Variants in SECISBP2L observed in about 807,000 individuals in gnomAD.
The protein encoded by SECISBP2L is SECIS binding protein 2 like.
In SECISBP2L, 43 loss-of-function variants were observed where a neutral mutation model predicts 114.7. The observed-to-expected ratio is 0.38, with a 90% confidence interval of 0.29 to 0.48. The LOEUF (loss-of-function observed/expected upper bound fraction) is 0.48, where lower values mean the gene tolerates loss of function less well. Among genes scored for constraint, SECISBP2L ranks in the 20% least tolerant of loss-of-function variants. The pLI, the probability that SECISBP2L is intolerant of heterozygous loss-of-function variation, is 0.98. For missense variants in SECISBP2L, 1,136 were observed against 1,301.1 expected, an observed-to-expected ratio of 0.87 and a Z score of 1.95; for synonymous variants, 451 against 439.7, an observed-to-expected ratio of 1.03 and a Z score of -0.32.
chr15:49,024,496 C>CAAAA (rs72031518), intron 7 of SECISBP2L, among the ~76,000 whole-genome samples: 1 of 82,726 alleles, frequency 1.2e-5, no homozygotes, highest in African/African-American at 3.8e-5. Flanking sequence ...GACTCTGTCT[C>CAAAA]AAAAAAAAAA....
intron 17 of SECISBP2L, among the ~76,000 whole-genome samples, chr15:48,995,503 C>A (rs550771610): frequency 6.6e-6 from 1 of 151,578 alleles, no homozygotes; most frequent in Non-Finnish European, 1.5e-5. Context: ...TTTTTTTACA[C>A]GTTAAATTTT....
intron 1 of SECISBP2L, among the ~76,000 whole-genome samples, chr15:49,038,354 G>A (rs949949314): frequency 6.6e-5 from 10 of 150,718 alleles, no homozygotes; most frequent in African/African-American, 2.2e-4. Flanking sequence ...GTAAACTAAA[G>A]TAATCCAAGA....
At chr15:49,009,569 A>C (rs1425733894) in intron 13 of SECISBP2L, among the ~76,000 whole-genome samples, 191 bp from the exon 14 acceptor site, 1 of 152,058 alleles carries the variant, frequency 6.6e-6, no homozygotes, top group African/African-American at 2.4e-5. Flanking sequence ...AAATTCTCCT[A>C]TTGTCTGTTG....
chr15:48,999,974 C>G lies in SECISBP2L; in HGVS notation c.2262G>C (p.Glu754Asp). 2 of 1,613,634 alleles carry G rather than the reference C, an allele frequency of 1.2e-6. No homozygotes were observed. Among genetic ancestry groups the G allele is most frequent in the Non-Finnish European group, 1.7e-6 (2 of 1,179,766 alleles). Reference protein sequence around the residue: ...EKIQSKGGLDEALYNVIAMAR... With the variant: ...EKIQSKGGLDDALYNVIAMAR... ...CCATGGCTATAACATTATAGAGAGC[C>G]TCATCCAGACCACCTGAGAAAATCA... The change falls in exon 16 of 18, where the codon GAG becomes GAC. Residue 754 changes from glutamate (E) to aspartate (D), a missense_variant. This residue lies in a region of SECISBP2L where 684 missense variants were observed against 848.7 expected (regional missense o/e 0.81). Coordinates refer to ENST00000559471, the MANE Select transcript of SECISBP2L (RefSeq NM_001193489.2).
intron 3 of SECISBP2L, 133 bp from the exon 4 acceptor site, chr15:49,033,233 T>C: frequency 2.8e-6 from 3 of 1,082,234 alleles, no homozygotes; most frequent in Non-Finnish European, 3.9e-6. Context: ...TTGGCTTCCA[T>C]GGGGAAATAG....
chr15:49,009,123 C>T (rs754993098), intron 14 of SECISBP2L, 93 bp downstream of exon 14: 1 of 1,351,224 alleles, frequency 7.4e-7, no homozygotes, highest in Non-Finnish European at 1.0e-6. Flanking sequence ...CTTTTGTCTG[C>T]TTGACTCACT....
intron 11 of SECISBP2L, 181 bp downstream of exon 11, chr15:49,016,379 T>C (rs889774922): frequency 9.9e-6 from 5 of 503,482 alleles, no homozygotes; most frequent in Non-Finnish European, 1.3e-5. Flanking sequence ...GCATGGACAA[T>C]TTCAAGGCTT....
At chr15:48,998,193 A>G (rs1902133400) in intron 16 of SECISBP2L, among the ~76,000 whole-genome samples, 1 of 152,216 alleles carries the variant, frequency 6.6e-6, no homozygotes, top group Non-Finnish European at 1.5e-5. Context: ...GTAGAATAAT[A>G]AGTCTCTGAA....
At chr15:48,994,830 GT>G (rs1902053790) in intron 17 of SECISBP2L, among the ~76,000 whole-genome samples, 2 of 100,404 alleles carry the variant, frequency 2.0e-5, no homozygotes, top group Non-Finnish European at 4.0e-5. Context: ...CTGGTATATA[GT>G]AAGTGCTGGG....
Position 49,014,953 on chromosome 15 carries a change from A to C in SECISBP2L, c.1561+1607T>G, listed in dbSNP as rs974001651. 8.6e-5 allele frequency among the ~76,000 whole-genome samples: 13 copies of C among 151,788 alleles called. 1 individual carries two copies. Among genetic ancestry groups the C allele is most frequent in the African/African-American group, 3.1e-4 (13 of 41,472 alleles). ...TATTAACAGTTGCTAAATTAATTGAAGTTGTAACAATAAGCCATCTGAAGT... is the reference window on the plus strand; with the variant it reads ...TATTAACAGTTGCTAAATTAATTGACGTTGTAACAATAAGCCATCTGAAGT... On this transcript the variant is annotated intron_variant, in intron 11 of 17. Transcript: ENST00000559471.
chr15:49,032,972 C>T lies in SECISBP2L; in HGVS notation c.657G>A (p.Gln219=), dbSNP rs374659832. The part of the protein sequence containing the change: ...SKIVLLVDAS[Q]QTDFPSDIAN... ...TAAGAACCCTTGCCTTACCAGTTTG[C>T]TGTGAAGCATCTACCAGAAGCACAA... is the stretch of plus-strand genomic sequence containing the variant. The change falls in exon 4 of 18, where the codon CAG becomes CAA. Residue 219 remains glutamine (Q), a synonymous_variant. Coordinates refer to ENST00000559471, the MANE Select transcript of SECISBP2L (RefSeq NM_001193489.2). 4 of 1,613,478 alleles carry T rather than the reference C, an allele frequency of 2.5e-6. No homozygotes were observed. The African/African-American group carries it at 4.0e-5, about 16-fold the overall frequency.
At position 49,046,290 on chromosome 15, in the gene SECISBP2L, C is replaced by T. The variant is rs374357963; in HGVS notation, c.10G>A (p.Ala4Thr). MDR[A>T]PTEQNVKLSA... Reference sequence around the variant, plus strand: ...AACCCGCGTACCTGCTCCGTGGGGGCTCGGTCCATGGTGCCTGCAGCCGCA... The same window carrying T: ...AACCCGCGTACCTGCTCCGTGGGGGTTCGGTCCATGGTGCCTGCAGCCGCA... Residue 4 changes from alanine to threonine, a missense_variant, in exon 1 of 18, where the codon GCC becomes ACC. Physicochemically the swap from Ala to Thr is moderately conservative, Grantham distance 58. Coordinates refer to ENST00000559471, the MANE Select transcript of SECISBP2L (RefSeq NM_001193489.2). The T allele has an allele frequency of 3.9e-6, 6 of 1,558,440 alleles. No homozygotes were observed. The Admixed American group carries it at 9.5e-5, about 25-fold the overall frequency.
In SECISBP2L at chr15:49,014,880, AAT is replaced by A. The variant is rs371889434; in HGVS notation, c.1561+1678_1561+1679del. On this transcript the variant is annotated intron_variant, in intron 11 of 17. Transcript: ENST00000559471. ...ATTTAGCAGTATATACTGTATATAT[AAT>A]ATAGACATTATATATACTGTATATA... Among the ~76,000 whole-genome samples, 80 of 149,774 alleles carry A rather than the reference AAT, an allele frequency of 5.3e-4. 1 individual carries two copies. The East Asian group carries it at 7.2e-3, about 13-fold the overall frequency.
At chr15:49,027,861 G>A (rs182363054) in intron 6 of SECISBP2L, among the ~76,000 whole-genome samples, 3 of 152,096 alleles carry the variant, frequency 2.0e-5, no homozygotes, top group Non-Finnish European at 2.9e-5. Flanking sequence ...CACCCACCTC[G>A]GCCTCCCAAA....
intron 11 of SECISBP2L, among the ~76,000 whole-genome samples, chr15:49,013,921 T>C (rs1448110889): frequency 6.6e-6 from 1 of 152,178 alleles, no homozygotes. Flanking sequence ...AATAAGATGC[T>C]AGAATCTTCT....
rs111675861 is a variant in SECISBP2L, at chr15:49,035,483, G to C, written c.379C>G (p.Pro127Ala). ...AQVMGFYHPFPTPYSNTFQAA... is the reference protein window; with the variant it reads ...AQVMGFYHPFATPYSNTFQAA... The stretch of plus-strand genomic sequence containing the variant: ...TGAAAGGTGTTGGAGTAAGGTGTAG[G>C]AAAAGGATGATAGAAACCCATAACC... The change falls in exon 3 of 18, where the codon CCT becomes GCT. Residue 127 changes from proline (P) to alanine (A), a missense_variant. This residue lies in a region of SECISBP2L where 452 missense variants were observed against 452.3 expected (regional missense o/e 1.00). Transcript: ENST00000559471. 7.4e-5 allele frequency: 120 copies of C among 1,614,038 alleles called. No individual in the cohort carries two copies. In the African/African-American group the frequency reaches 1.3e-3, roughly 18 times the overall value.
intron 9 of SECISBP2L, 56 bp from the exon 10 acceptor site, chr15:49,017,071 G>T (rs1595788831): frequency 6.4e-7 from 1 of 1,555,348 alleles, no homozygotes; most frequent in Non-Finnish European, 8.7e-7. Flanking sequence ...TCAATCATAA[G>T]GAAAAAGGAT....
At position 49,042,043 on chromosome 15, in the gene SECISBP2L, T is replaced by C. The variant is rs559261529; in HGVS notation, c.24+4233A>G. On this transcript the variant is annotated intron_variant, in intron 1 of 17. Coordinates refer to ENST00000559471, the MANE Select transcript of SECISBP2L (RefSeq NM_001193489.2). The stretch of plus-strand genomic sequence containing the variant: ...GGCAGAATGCTTTGCTACCCATACT[T>C]TTCCTTTTTAAAAAACAGACCAAAT... Among the ~76,000 whole-genome samples the C allele has an allele frequency of 3.2e-4, 49 of 152,294 alleles. No homozygotes were observed. In the South Asian group the frequency reaches 9.7e-3, roughly 30 times the overall value.
intron 11 of SECISBP2L, among the ~76,000 whole-genome samples, chr15:49,014,377 A>C (rs1344583280): frequency 6.6e-6 from 1 of 152,162 alleles, no homozygotes; most frequent in African/African-American, 2.4e-5. Flanking sequence ...TTCCCCCAAC[A>C]ATCTGATTTC....
Sources: allele counts gnomAD v4.1 joint callset (sites outside exome capture counted in the v4.1 genomes callset), GRCh38; gene constraint gnomAD v4.1.1; regional missense constraint gnomAD v4.1.1; transcripts MANE v1.5; gene names NCBI Gene and HGNC (gene_info 2026-07-23, HGNC 2026-07-21).